NEO1: variants seen among roughly 807,000 people sequenced by gnomAD.
NEO1 encodes the protein neogenin.
NEO1 carries 63 observed loss-of-function variants against 159.7 expected under a neutral mutation model. The ratio of observed to expected loss-of-function variants is 0.39; its 90% CI spans 0.32 to 0.49. NEO1 has a LOEUF of 0.49. Ranked by LOEUF, NEO1 falls within the 20% of genes least tolerant of loss-of-function variation. The pLI is 0.85. For missense variants in NEO1, 1,615 were observed against 1,831.0 expected (o/e 0.88, Z 2.15); for synonymous variants, 633 against 662.0 (o/e 0.96, Z 0.67).
chr15:73,173,982 C>A (rs2035130347), intron 5 of NEO1, among the ~76,000 whole-genome samples: 1 of 151,776 alleles, frequency 6.6e-6, no homozygotes, highest in African/African-American at 2.4e-5. Context: ...CGTCTGTAAT[C>A]CCGGCTACTT....
At chr15:73,053,122 A>G (rs549584006) in intron 1 of NEO1, among the ~76,000 whole-genome samples, 1 of 152,174 alleles carries the variant, frequency 6.6e-6, no homozygotes, top group Non-Finnish European at 1.5e-5. Context: ...AGAGTGGGAC[A>G]TTCTTGTGCT....
intron 1 of NEO1, among the ~76,000 whole-genome samples, chr15:73,096,801 A>C (rs1160356994): frequency 6.6e-6 from 1 of 152,124 alleles, no homozygotes. Flanking sequence ...TAATCTTAAA[A>C]AATCTTCAAA....
Position 73,221,337 on chromosome 15 carries a change from C to T in NEO1, c.1292-15010C>T, listed in dbSNP as rs148759063. ...CGTGTGAAGTGTCAGTCTGCCCCTA[C>T]TGGAGGGTGCCTCCCAGTTAGGCTG... On this transcript the variant is annotated intron_variant, in intron 7 of 28. Coordinates refer to ENST00000261908, the MANE Select transcript of NEO1 (RefSeq NM_002499.4). Among the ~76,000 whole-genome samples, 1,113 of 152,352 alleles carry T rather than the reference C, an allele frequency of 7.3e-3. 14 individuals carry two copies. Among genetic ancestry groups the T allele is most frequent in the East Asian group, 0.047 (243 of 5,174 alleles).
At chr15:73,104,279 A>G (rs1172588869) in intron 1 of NEO1, among the ~76,000 whole-genome samples, 3 of 152,212 alleles carry the variant, frequency 2.0e-5, no homozygotes, top group Non-Finnish European at 4.4e-5. Flanking sequence ...GCTATCTAAA[A>G]ATGTAATATA....
intron 26 of NEO1, among the ~76,000 whole-genome samples, chr15:73,295,576 A>G (rs1403274999): frequency 6.6e-6 from 1 of 152,056 alleles, no homozygotes; most frequent in Non-Finnish European, 1.5e-5. Context: ...AGGGGGAAAG[A>G]ATAATTTGCA....
At chr15:73,220,948 G>T (rs2150753541) in intron 7 of NEO1, among the ~76,000 whole-genome samples, 2 of 152,334 alleles carry the variant, frequency 1.3e-5, no homozygotes, top group South Asian at 4.1e-4. Flanking sequence ...TCTCTATCCA[G>T]CTTTGTTCCA....
intron 22 of NEO1, among the ~76,000 whole-genome samples, chr15:73,279,351 G>GTTTTTTTTATTTTTTTTT (rs2041578096): frequency 8.4e-6 from 1 of 119,348 alleles, no homozygotes; most frequent in Non-Finnish European, 1.7e-5. Context: ...TTTGGTTTTG[G>GTTTTTTTTATTTTTTTTT]TTTTTTTTTT....
intron 1 of NEO1, among the ~76,000 whole-genome samples, chr15:73,115,261 T>A (rs2071240904): frequency 6.6e-6 from 1 of 152,206 alleles, no homozygotes; most frequent in Non-Finnish European, 1.5e-5. Context: ...CAGGCTGGTC[T>A]CGAACTGCTG....
chr15:73,100,725 A>C (rs922244316), intron 1 of NEO1, among the ~76,000 whole-genome samples: 1 of 152,154 alleles, frequency 6.6e-6, no homozygotes, highest in African/African-American at 2.4e-5. Flanking sequence ...TTCCTTTTCT[A>C]CTTTATAAAA....
chr15:73,136,984 C>T (rs1567285412), intron 5 of NEO1, among the ~76,000 whole-genome samples: 2 of 152,136 alleles, frequency 1.3e-5, no homozygotes, highest in South Asian at 2.1e-4. Context: ...CTGAGGAATG[C>T]CCCACAAATT....
intron 7 of NEO1, among the ~76,000 whole-genome samples, chr15:73,202,977 A>G (rs544456472): frequency 6.6e-6 from 1 of 152,308 alleles, no homozygotes; most frequent in African/African-American, 2.4e-5. Context: ...AATTCTGAAT[A>G]ATATTTTGTT....
chr15:73,191,678 CA>C (rs1182168574), intron 7 of NEO1, among the ~76,000 whole-genome samples: 1 of 151,962 alleles, frequency 6.6e-6, no homozygotes, highest in Non-Finnish European at 1.5e-5. Flanking sequence ...TCAGTTAGAT[CA>C]TTTAAATTTG....
At chr15:73,148,631 A>G (rs1463502709) in intron 5 of NEO1, among the ~76,000 whole-genome samples, 2 of 152,236 alleles carry the variant, frequency 1.3e-5, no homozygotes, top group African/African-American at 4.8e-5. Context: ...AGGTCCCCAC[A>G]GGAGCATTTT....
chr15:73,126,407 T>A lies in NEO1; in HGVS notation c.725-10T>A. ...TAATTATTGTCTTTGTTAATTTTTTTTTTTTTTAGATCCTGAGGTGATATC... is the reference window on the plus strand; with the variant it reads ...TAATTATTGTCTTTGTTAATTTTTTATTTTTTTAGATCCTGAGGTGATATC... On this transcript the variant is annotated splice_polypyrimidine_tract_variant and intron_variant, in intron 3 of 28. Transcript: ENST00000261908. 6.4e-7 allele frequency: 1 copy of A among 1,573,794 alleles called. No individual in the cohort carries two copies. The highest frequency in any genetic ancestry group is 1.4e-5 in the African/African-American group (1 of 72,686).
chr15:73,267,393 C>CT (rs538902832), intron 16 of NEO1, among the ~76,000 whole-genome samples: 58 of 151,720 alleles, frequency 3.8e-4, no homozygotes, highest in African/African-American at 1.4e-3. Flanking sequence ...AATTTTTTTT[C>CT]TTTTTTTTAT....
chr15:73,236,369 G>A lies in NEO1; in HGVS notation c.1314G>A (p.Leu438=), dbSNP rs1476907908. ...TAGCACCAGCCACAACGGGACCACT[G>A]CCTTCAGCTCCTCGGGATGTCGTGG... ...LEHAPATTGP[L]PSAPRDVVAS... The change falls in exon 8 of 29, where the codon CTG becomes CTA. Residue 438 remains leucine (L), a synonymous_variant. Transcript: ENST00000261908. The A allele has an allele frequency of 1.9e-6, 3 of 1,614,038 alleles. No individual in the cohort carries two copies. Among genetic ancestry groups the A allele is most frequent in the East Asian group, 2.2e-5 (1 of 44,898 alleles).
rs55887721 is a variant in NEO1 at position 73,238,271 on chromosome 15, G to GTT, written c.1451+1793_1451+1794dup. On this transcript the variant is annotated intron_variant, in intron 8 of 28. Transcript: ENST00000261908. ...TTTGTTTGTTTCGCTTTTAGTTTGG[G>GTT]TTTTTTTTTTTTTTTTTTTTTTTTT... Among the ~76,000 whole-genome samples the GTT allele has an allele frequency of 8.0e-4, 31 of 38,856 alleles. 1 individual carries two copies. Among genetic ancestry groups the GTT allele is most frequent in the African/African-American group, 2.2e-3 (18 of 8,092 alleles). The allele number at this position is 38,856 out of a possible 152,430, so 25.5% of individuals were successfully genotyped here.
At position 73,270,408 on chromosome 15, in the gene NEO1, A is replaced by G; in HGVS notation, c.2811A>G (p.Arg937=). ...CTGTGATGGTGACCAAAGGTCGAAG[A>G]TCAAGTACATGGAGTATGACAGCCC... The part of the protein sequence containing the change: ...EFSVMVTKGR[R]SSTWSMTAHG... The change falls in exon 18 of 29, where the codon AGA becomes AGG. Residue 937 remains arginine, a synonymous_variant. Coordinates refer to ENST00000261908, the MANE Select transcript of NEO1 (RefSeq NM_002499.4). The G allele has an allele frequency of 6.2e-7, 1 of 1,614,098 alleles. No homozygotes were observed. The highest frequency in any genetic ancestry group is 2.2e-5 in the East Asian group (1 of 44,882).
chr15:73,069,676 A>G (rs1259760518), intron 1 of NEO1, among the ~76,000 whole-genome samples: 1 of 152,016 alleles, frequency 6.6e-6, no homozygotes, highest in Non-Finnish European at 1.5e-5. Flanking sequence ...ACACATACGT[A>G]TATATATACG....
Sources: allele counts gnomAD v4.1 joint callset (sites outside exome capture counted in the v4.1 genomes callset), GRCh38; gene constraint gnomAD v4.1.1; transcripts MANE v1.5; gene names NCBI Gene and HGNC (gene_info 2026-07-23, HGNC 2026-07-21).